CACNA2D3: variants seen among roughly 807,000 people sequenced by gnomAD.
The protein encoded by CACNA2D3 is calcium voltage-gated channel auxiliary subunit alpha2delta 3, also known as voltage-dependent calcium channel subunit alpha-2/delta-3.
In CACNA2D3, 60 loss-of-function variants were observed where a neutral mutation model predicts 160.6. That is an observed-to-expected ratio of 0.37 (90% CI 0.30 to 0.46). CACNA2D3 has a LOEUF of 0.46. Among genes scored for constraint, CACNA2D3 ranks in the 20% least tolerant of loss-of-function variants. CACNA2D3 has a pLI of 1.00. For synonymous variants in CACNA2D3, 558 were observed against 492.9 expected (o/e 1.13, Z -1.75); for missense variants, 1,205 against 1,365.0 (o/e 0.88, Z 1.85).
chr3:54,712,929 C>G (rs1700980137), intron 11 of CACNA2D3, among the ~76,000 whole-genome samples: 2 of 152,302 alleles, frequency 1.3e-5, no homozygotes, highest in South Asian at 4.1e-4. Flanking sequence ...CATCTGCAAC[C>G]TTAATTCCCC....
intron 35 of CACNA2D3, among the ~76,000 whole-genome samples, chr3:55,031,841 G>C (rs1278042078): frequency 1.3e-5 from 2 of 152,178 alleles, no homozygotes; most frequent in African/African-American, 2.4e-5. Flanking sequence ...GATGATCAAA[G>C]TCAGGAGGAT....
chr3:54,949,158 T>G (rs1272850292), intron 27 of CACNA2D3, among the ~76,000 whole-genome samples: 1 of 152,216 alleles, frequency 6.6e-6, no homozygotes, highest in Non-Finnish European at 1.5e-5. Flanking sequence ...CAGTTCAATG[T>G]CCTGGGGCTT....
intron 3 of CACNA2D3, among the ~76,000 whole-genome samples, chr3:54,345,041 G>A (rs1698431110): frequency 6.6e-6 from 1 of 152,122 alleles, no homozygotes; most frequent in South Asian, 2.1e-4. Context: ...TACCCTATAG[G>A]GTCTAAAAAG....
At chr3:54,837,252 C>T (rs767561251) in intron 15 of CACNA2D3, 22 bp downstream of exon 15, 55 of 1,607,926 alleles carry the variant, frequency 3.4e-5, no homozygotes, top group Middle Eastern at 1.6e-4. Context: ...CGCTGAGCTT[C>T]CTGCTTGATG....
At chr3:54,929,103 G>T (rs1701113705) in intron 27 of CACNA2D3, among the ~76,000 whole-genome samples, 1 of 152,128 alleles carries the variant, frequency 6.6e-6, no homozygotes, top group African/African-American at 2.4e-5. Context: ...CATTGGGTTT[G>T]GGCTCTGGAA....
intron 5 of CACNA2D3, among the ~76,000 whole-genome samples, chr3:54,532,887 A>G (rs1013862646): frequency 1.3e-5 from 2 of 152,196 alleles, no homozygotes; most frequent in Non-Finnish European, 2.9e-5. Context: ...ACTGTTTTCC[A>G]TAGAGGTTGT....
chr3:54,663,243 C>G (rs1441096300), intron 11 of CACNA2D3, among the ~76,000 whole-genome samples: 2 of 152,204 alleles, frequency 1.3e-5, no homozygotes, highest in Admixed American at 1.3e-4. Flanking sequence ...ACTGACTAGC[C>G]TCTCTCTAGC....
At chr3:54,507,765 C>T (rs1575494391) in intron 5 of CACNA2D3, among the ~76,000 whole-genome samples, 1 of 152,212 alleles carries the variant, frequency 6.6e-6, no homozygotes, top group African/African-American at 2.4e-5. Context: ...CAGATCCAAC[C>T]TGACAAGGAC....
intron 9 of CACNA2D3, among the ~76,000 whole-genome samples, chr3:54,589,729 AATGG>A (rs1702825861): frequency 6.6e-6 from 1 of 152,214 alleles, no homozygotes; most frequent in Non-Finnish European, 1.5e-5. Context: ...TGAATTTAAA[AATGG>A]GCAAAAGCCA....
At chr3:54,400,825 A>G (rs1335201298) in intron 4 of CACNA2D3, among the ~76,000 whole-genome samples, 1 of 152,222 alleles carries the variant, frequency 6.6e-6, no homozygotes, top group Admixed American at 6.5e-5. Context: ...AATGCAAGGA[A>G]CAAGAAACAT....
chr3:54,468,408 A>G (rs569943854), intron 4 of CACNA2D3, among the ~76,000 whole-genome samples: 6 of 152,284 alleles, frequency 3.9e-5, no homozygotes, highest in African/African-American at 1.4e-4. Flanking sequence ...GCCAGATACT[A>G]TGCTTTTCCC....
At chr3:54,265,781 CAA>C (rs539083078) in intron 2 of CACNA2D3, among the ~76,000 whole-genome samples, 9 of 130,500 alleles carry the variant, frequency 6.9e-5, no homozygotes, top group Admixed American at 7.8e-5. Flanking sequence ...CATATGAAGG[CAA>C]AAAAAAAAAG....
intron 10 of CACNA2D3, among the ~76,000 whole-genome samples, chr3:54,630,224 G>C (rs1420080712): frequency 6.6e-6 from 1 of 152,036 alleles, no homozygotes; most frequent in African/African-American, 2.4e-5. Context: ...TGCCACCTCT[G>C]TGACCACTGA....
chr3:54,145,607 C>A (rs1398306530), intron 2 of CACNA2D3, among the ~76,000 whole-genome samples: 3 of 152,184 alleles, frequency 2.0e-5, no homozygotes, highest in Non-Finnish European at 2.9e-5. Context: ...ATCCTGGGGG[C>A]TCTGCGATCT....
At chr3:54,289,437 G>T (rs57376813) in intron 2 of CACNA2D3, among the ~76,000 whole-genome samples, 30,677 of 151,866 alleles carry the variant, frequency 0.2, 3,233 homozygotes, top group East Asian at 0.25. Flanking sequence ...AACATTCCAT[G>T]CTCATGGGTA....
At chr3:54,746,688 G>GT (rs900220715) in intron 11 of CACNA2D3, among the ~76,000 whole-genome samples, 2 of 152,170 alleles carry the variant, frequency 1.3e-5, no homozygotes, top group Non-Finnish European at 2.9e-5. Context: ...GTAGTTAAAT[G>GT]TTTTTTAAAA....
intron 2 of CACNA2D3, among the ~76,000 whole-genome samples, chr3:54,305,409 T>C (rs1388984562): frequency 1.3e-5 from 2 of 152,276 alleles, no homozygotes; most frequent in Non-Finnish European, 2.9e-5. Context: ...CATCATTTAT[T>C]GGCAGAACAG....
intron 4 of CACNA2D3, among the ~76,000 whole-genome samples, chr3:54,485,316 C>G (rs1381504740): frequency 3.3e-5 from 5 of 152,162 alleles, no homozygotes; most frequent in Non-Finnish European, 7.4e-5. Flanking sequence ...GTTTTGGATT[C>G]AAATTCATAG....
At chr3:54,385,996 TTAAAG>T (rs1428218638) in intron 3 of CACNA2D3, 1 of 500,902 alleles carries the variant, frequency 2.0e-6, no homozygotes. Context: ...CAAAATCAAA[TTAAAG>T]TAAAAATGAT....
Sources: allele counts gnomAD v4.1 joint callset (sites outside exome capture counted in the v4.1 genomes callset), GRCh38; gene constraint gnomAD v4.1.1; transcripts MANE v1.5; gene names NCBI Gene and HGNC (gene_info 2026-07-23, HGNC 2026-07-21).